The following RFC1 variants were observed in gnomAD, a reference collection of about 807,000 sequenced individuals.
The protein encoded by RFC1 is replication factor C subunit 1, also known as A1 140 kDa subunit.
RFC1 carries 37 observed loss-of-function variants against 137.4 expected under a neutral mutation model. The observed-to-expected ratio is 0.27, with a 90% CI of 0.21 to 0.35. The LOEUF (loss-of-function observed/expected upper bound fraction) is 0.35, where lower values mean the gene tolerates loss of function less well. Among genes scored for constraint, RFC1 ranks in the 10% least tolerant of loss-of-function variants. The pLI is 1.00. For missense variants in RFC1, 1,205 were observed against 1,358.5 expected, an observed-to-expected ratio of 0.89 and a Z score of 1.78; for synonymous variants, 429 against 455.7, an observed-to-expected ratio of 0.94 and a Z score of 0.75.
chr4:39,346,285 T>C lies in RFC1; in HGVS notation c.133-809A>G, dbSNP rs1024690217. On this transcript the variant is annotated intron_variant, in intron 2 of 24. Transcript: ENST00000349703. ...TGAAGTCAGGAGTTCAAGACCAGCC[T>C]GACCAACATGAAGAAACTCCGTCTC... Among the ~76,000 whole-genome samples the C allele has an allele frequency of 3.3e-5, 5 of 152,154 alleles. No homozygotes were observed. The East Asian group carries it at 9.6e-4, about 29-fold the overall frequency.
chr4:39,333,655 T>C (rs549228889), intron 4 of RFC1, among the ~76,000 whole-genome samples: 5 of 152,164 alleles, frequency 3.3e-5, no homozygotes, highest in South Asian at 4.1e-4. Context: ...CCTAATGTTA[T>C]AGGTATAAAC....
At chr4:39,353,897 C>T (rs1413686444) in intron 1 of RFC1, among the ~76,000 whole-genome samples, 3 of 152,094 alleles carry the variant, frequency 2.0e-5, no homozygotes, top group Admixed American at 1.3e-4. Flanking sequence ...AACCTGTTTT[C>T]GGACCAAAAA....
At chr4:39,307,731 A>G (rs1738753035) in intron 13 of RFC1, among the ~76,000 whole-genome samples, 1 of 121,922 alleles carries the variant, frequency 8.2e-6, no homozygotes, top group Admixed American at 7.8e-5. Flanking sequence ...AAAACAAAAC[A>G]AAACAAAAAA....
chr4:39,326,637 A>G lies in RFC1; in HGVS notation c.568T>C (p.Ser190Pro). 6.2e-7 allele frequency: 1 copy of G among 1,610,758 alleles called. No individual in the cohort carries two copies. The highest frequency in any genetic ancestry group is 8.5e-7 in the Non-Finnish European group (1 of 1,177,720). Residue 190 changes from serine (S) to proline (P), a missense_variant, in exon 6 of 25, where the codon TCA (serine) becomes CCA (proline). Ser to Pro is a moderately conservative substitution (Grantham distance 74). Around this residue, in one of 3 missense-constraint regions of RFC1, gnomAD observed 962 missense variants for 1,035.3 expected, o/e 0.93. Transcript: ENST00000349703. ...AATCCAGACTCATCTGTATTTTGTG[A>G]AAGCTATATTTCAAAGAAAATCAAG... is the stretch of plus-strand genomic sequence containing the variant. ...KMVASKRKEL[S>P]QNTDESGLND...
intron 7 of RFC1, chr4:39,322,171 T>TGAGGCAG: frequency 6.6e-6 from 1 of 152,292 alleles, no homozygotes; most frequent in Middle Eastern, 3.4e-3. Flanking sequence ...AAAATAAGGC[T>TGAGGCAG]GAGGCAGGCA....
intron 19 of RFC1, among the ~76,000 whole-genome samples, chr4:39,301,839 C>T (rs1738377004): frequency 6.6e-6 from 1 of 152,144 alleles, no homozygotes; most frequent in African/African-American, 2.4e-5. Flanking sequence ...TTAGAACCTG[C>T]TTAATCATTG....
At chr4:39,349,624 A>G (rs183415001) in intron 2 of RFC1, among the ~76,000 whole-genome samples, 35 of 152,340 alleles carry the variant, frequency 2.3e-4, no homozygotes, top group African/African-American at 8.2e-4. Context: ...GAACTAACAC[A>G]TGACCCAAAG....
intron 15 of RFC1, 70 bp from the exon 16 acceptor site, chr4:39,303,221 G>A: frequency 1.0e-6 from 1 of 976,090 alleles, no homozygotes. Context: ...CTGCTGCTCT[G>A]TAGAAAATTA....
chr4:39,306,358 C>T (rs190334320), intron 14 of RFC1, among the ~76,000 whole-genome samples: 61 of 152,228 alleles, frequency 4.0e-4, no homozygotes, highest in Admixed American at 5.9e-4. Flanking sequence ...CTGCCTCGCT[C>T]GTTGGTAAGT....
chr4:39,306,463 A>C, intron 14 of RFC1, 129 bp downstream of exon 14: 1 of 564,128 alleles, frequency 1.8e-6, no homozygotes, highest in East Asian at 3.0e-5. Context: ...ATCTTAGAAA[A>C]ATAAACACAG....
At chr4:39,343,126 G>A (rs1158373926) in intron 3 of RFC1, among the ~76,000 whole-genome samples, 1 of 152,080 alleles carries the variant, frequency 6.6e-6, no homozygotes, top group African/African-American at 2.4e-5. Flanking sequence ...AGGTTCAAGC[G>A]ATTCTCCTGC....
At chr4:39,352,888 A>C (rs908467755) in intron 1 of RFC1, among the ~76,000 whole-genome samples, 1 of 152,198 alleles carries the variant, frequency 6.6e-6, no homozygotes, top group African/African-American at 2.4e-5. Context: ...TTTTATCCCT[A>C]CAACCTACCT....
intron 22 of RFC1, among the ~76,000 whole-genome samples, chr4:39,294,129 T>G (rs1737845285): frequency 6.6e-6 from 1 of 152,220 alleles, no homozygotes; most frequent in South Asian, 2.1e-4. Flanking sequence ...TGTGTTGTTT[T>G]AAGCCATTAT....
Position 39,320,365 on chromosome 4 carries a change from AAAAAAC to A in RFC1, c.1095+12_1095+17del, listed in dbSNP as rs1739453263. On this transcript the variant is annotated intron_variant, in intron 9 of 24. Transcript: ENST00000349703. The stretch of plus-strand genomic sequence containing the variant: ...ACTCCATCTCAAAAAAAAAAAAAAA[AAAAAAC>A]AAAGTTCTTACCTCTTTTTTAGCTG... 2.0e-6 allele frequency: 3 copies of A among 1,486,156 alleles called. No homozygotes were observed. Among genetic ancestry groups the A allele is most frequent in the African/African-American group, 2.9e-5 (2 of 69,182 alleles). 92.1% of individuals were successfully genotyped at this position (1,486,156 alleles called of 1,614,324 possible). A position where few individuals can be genotyped will look rare whatever the true frequency, so the allele number is the denominator to read the frequency against.
intron 10 of RFC1, among the ~76,000 whole-genome samples, chr4:39,314,775 C>G (rs775240178): frequency 6.6e-6 from 1 of 152,094 alleles, no homozygotes; most frequent in African/African-American, 2.4e-5. Flanking sequence ...TCTATATGTA[C>G]TTATATATAC....
chr4:39,302,917 T>C, intron 16 of RFC1, 43 bp from the exon 17 acceptor site: 2 of 1,550,990 alleles, frequency 1.3e-6, no homozygotes, highest in Non-Finnish European at 1.8e-6. Flanking sequence ...ATTTTAAAAA[T>C]GACAAATACC....
rs201881505 is a variant in RFC1, at chr4:39,312,874, T to C, written c.1261A>G (p.Ile421Val). The change falls in exon 11 of 25, where the codon ATT becomes GTT. Residue 421 changes from isoleucine to valine, a missense_variant. Physicochemically the swap from Ile to Val is conservative, Grantham distance 29. Transcript: ENST00000349703. The stretch of plus-strand genomic sequence containing the variant: ...AGAGACTTGGCCTCATCTCGTTCAA[T>C]AGACTCCAGCACGCCTGTGATTACA... ...IFVITGVLES[I>V]ERDEAKSLIE... 1.3e-5 allele frequency: 21 copies of C among 1,614,014 alleles called. No individual in the cohort carries two copies. Among genetic ancestry groups the C allele is most frequent in the African/African-American group, 8.0e-5 (6 of 74,904 alleles).
At chr4:39,360,628 G>A (rs1232535512) in intron 1 of RFC1, among the ~76,000 whole-genome samples, 3 of 152,088 alleles carry the variant, frequency 2.0e-5, no homozygotes, top group Non-Finnish European at 4.4e-5. Flanking sequence ...CCAGCTACTT[G>A]GGAGGCTGAG....
At chr4:39,315,412 G>A (rs1251055362) in intron 10 of RFC1, among the ~76,000 whole-genome samples, 1 of 152,188 alleles carries the variant, frequency 6.6e-6, no homozygotes, top group Non-Finnish European at 1.5e-5. Context: ...AAAGAAGCAG[G>A]GGCCAAGGCC....
Sources: gnomAD v4.1 joint callset for allele counts (sites outside exome capture counted in the v4.1 genomes callset) on GRCh38, gnomAD v4.1.1 for gene constraint, gnomAD v4.1.1 regional missense constraint, MANE v1.5 for transcripts, NCBI Gene and HGNC (gene_info 2026-07-23, HGNC 2026-07-21) for gene names.